Variants in FSIP1 observed in about 807,000 individuals in gnomAD.
The protein encoded by FSIP1 is fibrous sheath-interacting protein 1.
A neutral mutation model predicts 60.9 loss-of-function variants in FSIP1; 65 were observed. The observed-to-expected ratio is 1.07, with a 90% CI of 0.87 to 1.31. The LOEUF (loss-of-function observed/expected upper bound fraction) is 1.31, where lower values mean the gene tolerates loss of function less well. Among genes scored for constraint, FSIP1 ranks in the 40% most tolerant of loss-of-function variants. The pLI is 0.00. For missense variants in FSIP1, 675 were observed against 665.5 expected (o/e 1.01, Z -0.16); for synonymous variants, 209 against 221.2 (o/e 0.94, Z 0.49).
intron 9 of FSIP1, among the ~76,000 whole-genome samples, chr15:39,716,965 C>G (rs978943857): frequency 8.6e-5 from 13 of 152,002 alleles, no homozygotes; most frequent in African/African-American, 3.1e-4. Context: ...CAGGCATGCA[C>G]CACCATGCCT....
intron 10 of FSIP1, among the ~76,000 whole-genome samples, chr15:39,628,833 G>A (rs980209477): frequency 7.2e-5 from 11 of 152,232 alleles, no homozygotes; most frequent in African/African-American, 2.7e-4. Flanking sequence ...AGTCAGTAGA[G>A]TAAAAATACT....
At chr15:39,691,975 C>T (rs1894619944) in intron 10 of FSIP1, among the ~76,000 whole-genome samples, 1 of 152,154 alleles carries the variant, frequency 6.6e-6, no homozygotes, top group Non-Finnish European at 1.5e-5. Flanking sequence ...CTGTTTTGTG[C>T]TGTCAGTAAA....
At chr15:39,626,692 A>G (rs1160239045) in intron 10 of FSIP1, among the ~76,000 whole-genome samples, 1 of 152,144 alleles carries the variant, frequency 6.6e-6, no homozygotes, top group Non-Finnish European at 1.5e-5. Flanking sequence ...GCCTGCTGCC[A>G]TGTAAGATGT....
chr15:39,777,291 TC>T (rs1898095455), intron 1 of FSIP1, among the ~76,000 whole-genome samples: 1 of 151,964 alleles, frequency 6.6e-6, no homozygotes, highest in Non-Finnish European at 1.5e-5. Context: ...ATTTCTCCTC[TC>T]CCCCGTGGGG....
At position 39,600,881 on chromosome 15, in the gene FSIP1, T is replaced by G. The variant is rs755059526; in HGVS notation, c.1745A>C (p.Ter582SerextTer13). ...KDAAEECKEP* is the reference protein window; with the variant it reads ...KDAAEECKEPS ...AAAGCACACCCAGCAAGTCCTTGAT[T>G]AGGGTTCTTTACATTCTTCTGCTGC... Residue 582 changes from the stop codon to serine (S), a stop_lost, in exon 12 of 12, where the codon TAA becomes TCA. Coordinates refer to ENST00000350221, the MANE Select transcript of FSIP1 (RefSeq NM_152597.5). The G allele has an allele frequency of 6.2e-7, 1 of 1,606,864 alleles. No homozygotes were observed. The highest frequency in any genetic ancestry group is 8.5e-7 in the Non-Finnish European group (1 of 1,177,622).
At chr15:39,624,749 G>C (rs917797189) in intron 10 of FSIP1, among the ~76,000 whole-genome samples, 2 of 152,098 alleles carry the variant, frequency 1.3e-5, no homozygotes, top group Non-Finnish European at 2.9e-5. Flanking sequence ...AAGGACAAAG[G>C]GTCCTGGGGG....
At chr15:39,732,788 A>ATCTCATTT (rs370712735) in intron 8 of FSIP1, among the ~76,000 whole-genome samples, 1 of 152,118 alleles carries the variant, frequency 6.6e-6, no homozygotes, top group African/African-American at 2.4e-5. Flanking sequence ...CATAAAGGAA[A>ATCTCATTT]GGGCACATTT....
chr15:39,710,172 A>T (rs998567744), intron 10 of FSIP1, among the ~76,000 whole-genome samples: 1 of 152,128 alleles, frequency 6.6e-6, no homozygotes, highest in Non-Finnish European at 1.5e-5. Flanking sequence ...TACAGTTATG[A>T]AACACTAAGC....
intron 3 of FSIP1, among the ~76,000 whole-genome samples, chr15:39,767,739 A>G (rs1197173496): frequency 6.6e-6 from 1 of 152,218 alleles, no homozygotes; most frequent in Non-Finnish European, 1.5e-5. Context: ...AGAGGCAGTC[A>G]GAGGACAGTT....
chr15:39,608,969 CCA>C (rs1164331664), intron 11 of FSIP1, among the ~76,000 whole-genome samples: 6 of 152,140 alleles, frequency 3.9e-5, no homozygotes, highest in Non-Finnish European at 8.8e-5. Context: ...CAGCACAGCA[CCA>C]CACACAGAAG....
rs956559309 is a variant in FSIP1 at position 39,664,958 on chromosome 15, A to G, written c.1189-46713T>C. Among the ~76,000 whole-genome samples the G allele has an allele frequency of 1.6e-4, 24 of 152,200 alleles. 1 individual carries two copies. The highest frequency in any genetic ancestry group is 5.5e-4 in the African/African-American group (23 of 41,442). ...ATATAAGCTCCATGAGAGCACAGACATTATCTTGTTCACCTGGCTGTCTAA... is the reference window on the plus strand; with the variant it reads ...ATATAAGCTCCATGAGAGCACAGACGTTATCTTGTTCACCTGGCTGTCTAA... On this transcript the variant is annotated intron_variant, in intron 10 of 11. Transcript: ENST00000350221.
chr15:39,674,012 A>G (rs1319452742), intron 10 of FSIP1, among the ~76,000 whole-genome samples: 1 of 152,116 alleles, frequency 6.6e-6, no homozygotes, highest in Admixed American at 6.5e-5. Context: ...ACTTTAGTAA[A>G]TTAAGTATAG....
At chr15:39,769,132 A>T (rs1457221682) in intron 3 of FSIP1, among the ~76,000 whole-genome samples, 2 of 152,048 alleles carry the variant, frequency 1.3e-5, no homozygotes, top group Non-Finnish European at 2.9e-5. Context: ...ACAAAAAATT[A>T]GCCGGGCGTG....
chr15:39,773,846 A>T (rs1196165740), intron 2 of FSIP1, among the ~76,000 whole-genome samples: 1 of 152,196 alleles, frequency 6.6e-6, no homozygotes, highest in East Asian at 1.9e-4. Context: ...CAGTAATTGT[A>T]AGGGATTAAG....
chr15:39,714,972 C>CCCAAAAAAAAAAAAAAA (rs1895680400), intron 9 of FSIP1, among the ~76,000 whole-genome samples: 1 of 89,574 alleles, frequency 1.1e-5, no homozygotes, highest in Admixed American at 1.3e-4. Flanking sequence ...GACTCTGTCT[C>CCCAAAAAAAAAAAAAAA]AAAAAAAAAA....
intron 7 of FSIP1, 40 bp from the exon 8 acceptor site, chr15:39,738,241 A>C: frequency 7.7e-7 from 1 of 1,294,408 alleles, no homozygotes; most frequent in Non-Finnish European, 1.1e-6. Context: ...ATACTCAAGG[A>C]AATTCACAGT....
chr15:39,717,267 A>G (rs1167311286), intron 9 of FSIP1, among the ~76,000 whole-genome samples: 2 of 17,414 alleles, frequency 1.1e-4, no homozygotes, highest in Non-Finnish European at 1.8e-3. Context: ...ATGTCCATCA[A>G]TAGAGTATGA....
At chr15:39,689,280 A>C (rs1201523565) in intron 10 of FSIP1, among the ~76,000 whole-genome samples, 2 of 152,156 alleles carry the variant, frequency 1.3e-5, no homozygotes, top group African/African-American at 4.8e-5. Context: ...ATACCAACCC[A>C]AAAGCTCTCC....
At chr15:39,690,271 CAT>C (rs1467865803) in intron 10 of FSIP1, among the ~76,000 whole-genome samples, 3 of 152,048 alleles carry the variant, frequency 2.0e-5, no homozygotes, top group Non-Finnish European at 2.9e-5. Flanking sequence ...AGGGGAGTGA[CAT>C]ATCATATTTG....
Sources: gnomAD v4.1 joint callset for allele counts (sites outside exome capture counted in the v4.1 genomes callset) on GRCh38, gnomAD v4.1.1 for gene constraint, MANE v1.5 for transcripts, NCBI Gene and HGNC (gene_info 2026-07-23, HGNC 2026-07-21) for gene names.